Variants in LDLRAD3 observed in about 807,000 individuals in gnomAD.
LDLRAD3 encodes low density lipoprotein receptor class A domain containing 3, also known as low-density lipoprotein receptor class A domain-containing protein 3.
In LDLRAD3, 20 loss-of-function variants were observed where a neutral mutation model predicts 29.4. The ratio of observed to expected loss-of-function variants is 0.68; its 90% CI spans 0.48 to 0.99. LDLRAD3 has a LOEUF of 0.99. LDLRAD3 is among the 50% of genes least tolerant of loss of function. The pLI is 0.00. For missense variants in LDLRAD3, 420 were observed against 454.3 expected (o/e 0.92, Z 0.69); for synonymous variants, 157 against 192.7 (o/e 0.81, Z 1.53).
chr11:35,965,289 C>T (rs1279371614), intron 1 of LDLRAD3, among the ~76,000 whole-genome samples: 10 of 152,062 alleles, frequency 6.6e-5, no homozygotes, highest in Non-Finnish European at 1.3e-4. Context: ...AAGGATGGTC[C>T]TGTAAGTGGA....
chr11:36,208,239 AAAAT>A (rs1284966531), intron 4 of LDLRAD3, among the ~76,000 whole-genome samples: 1 of 152,246 alleles, frequency 6.6e-6, no homozygotes, highest in Non-Finnish European at 1.5e-5. Flanking sequence ...CCTGAGCAAC[AAAAT>A]AAATAATAAT....
intron 4 of LDLRAD3, among the ~76,000 whole-genome samples, 155 bp from the exon 5 acceptor site, chr11:36,226,930 C>T (rs766087941): frequency 7.2e-5 from 11 of 152,148 alleles, no homozygotes; most frequent in East Asian, 1.9e-4. Flanking sequence ...ATCCGTTCAT[C>T]GGTTGGTGGA....
chr11:36,078,733 C>T (rs1267155601), intron 2 of LDLRAD3, among the ~76,000 whole-genome samples: 6 of 152,186 alleles, frequency 3.9e-5, no homozygotes, highest in Non-Finnish European at 7.3e-5. Flanking sequence ...GCCCTGGGCC[C>T]AGCTCTGCCT....
At chr11:36,203,004 A>G (rs987411682) in intron 4 of LDLRAD3, among the ~76,000 whole-genome samples, 6 of 152,180 alleles carry the variant, frequency 3.9e-5, no homozygotes, top group African/African-American at 1.4e-4. Context: ...TGGTGCCGTC[A>G]TAGCACACTG....
chr11:36,166,331 G>T (rs780028272), intron 4 of LDLRAD3, among the ~76,000 whole-genome samples: 5 of 152,194 alleles, frequency 3.3e-5, no homozygotes, highest in Non-Finnish European at 5.9e-5. Flanking sequence ...CTGTCACCAG[G>T]TAATCACATC....
At chr11:36,125,400 G>A (rs1002334002) in intron 4 of LDLRAD3, among the ~76,000 whole-genome samples, 1 of 152,178 alleles carries the variant, frequency 6.6e-6, no homozygotes, top group African/African-American at 2.4e-5. Context: ...TAATGATATT[G>A]TTGTGTAGAA....
intron 4 of LDLRAD3, among the ~76,000 whole-genome samples, chr11:36,185,382 A>G (rs757152534): frequency 3.9e-5 from 6 of 152,210 alleles, no homozygotes; most frequent in Non-Finnish European, 5.9e-5. Flanking sequence ...AAAAGGTAAA[A>G]ATCTTTAGAT....
intron 4 of LDLRAD3, among the ~76,000 whole-genome samples, chr11:36,203,632 A>T (rs2133376156): frequency 6.6e-6 from 1 of 152,336 alleles, no homozygotes; most frequent in South Asian, 2.1e-4. Flanking sequence ...GCGGCACATG[A>T]GATGATATTT....
chr11:35,985,034 C>T (rs1170471925), intron 1 of LDLRAD3, among the ~76,000 whole-genome samples: 1 of 151,814 alleles, frequency 6.6e-6, no homozygotes, highest in Non-Finnish European at 1.5e-5. Flanking sequence ...AAGCGATTCT[C>T]CCACCTCAGC....
chr11:36,168,297 A>G (rs778389549), intron 4 of LDLRAD3, among the ~76,000 whole-genome samples: 4 of 152,168 alleles, frequency 2.6e-5, no homozygotes, highest in Non-Finnish European at 5.9e-5. Flanking sequence ...ACCTCCTGGC[A>G]TAGCACTAAG....
chr11:35,959,563 T>G (rs952972949), intron 1 of LDLRAD3, among the ~76,000 whole-genome samples: 17 of 152,320 alleles, frequency 1.1e-4, no homozygotes, highest in Admixed American at 4.6e-4. Flanking sequence ...CAAACAGTAG[T>G]GTACCTATCA....
chr11:36,095,128 G>A (rs974212962), intron 3 of LDLRAD3, among the ~76,000 whole-genome samples: 1 of 152,220 alleles, frequency 6.6e-6, no homozygotes, highest in Non-Finnish European at 1.5e-5. Flanking sequence ...GAAGGCTATG[G>A]TGAGGTATGA....
chr11:36,074,864 T>A (rs1852970277), intron 2 of LDLRAD3, among the ~76,000 whole-genome samples: 1 of 152,174 alleles, frequency 6.6e-6, no homozygotes, highest in Non-Finnish European at 1.5e-5. Context: ...TTTCTGTTAC[T>A]GTAGACTTTC....
At chr11:36,039,031 G>A (rs980370031) in intron 2 of LDLRAD3, among the ~76,000 whole-genome samples, 7 of 150,148 alleles carry the variant, frequency 4.7e-5, no homozygotes, top group Admixed American at 4.0e-4. Context: ...ATGCAGTGGC[G>A]TGATCTCGGC....
chr11:36,173,927 CAAAGCT>C (rs1441344289), intron 4 of LDLRAD3, among the ~76,000 whole-genome samples: 2 of 152,184 alleles, frequency 1.3e-5, no homozygotes, highest in African/African-American at 4.8e-5. Flanking sequence ...GCCAAAAGAG[CAAAGCT>C]GGAGGCATCA....
intron 1 of LDLRAD3, among the ~76,000 whole-genome samples, chr11:36,014,741 T>G (rs1484598078): frequency 1.3e-5 from 2 of 152,256 alleles, no homozygotes; most frequent in Non-Finnish European, 2.9e-5. Context: ...CTCCCTTGGC[T>G]GCAGGCAGAA....
At chr11:36,154,610 A>AT (rs34460947) in intron 4 of LDLRAD3, among the ~76,000 whole-genome samples, 1 of 152,114 alleles carries the variant, frequency 6.6e-6, no homozygotes. Flanking sequence ...AAACCCCGTT[A>AT]TTTTCCCCCA....
intron 4 of LDLRAD3, among the ~76,000 whole-genome samples, chr11:36,166,439 C>G (rs911348680): frequency 1.2e-4 from 19 of 152,118 alleles, no homozygotes. Context: ...TAAAGGCTTT[C>G]CTTGTAAATA....
intron 1 of LDLRAD3, among the ~76,000 whole-genome samples, chr11:35,969,587 C>G (rs1353490178): frequency 6.6e-6 from 1 of 152,198 alleles, no homozygotes; most frequent in Non-Finnish European, 1.5e-5. Context: ...TTGCCTGGCT[C>G]TCCTGGGAAG....
Sources: allele counts gnomAD v4.1 joint callset (sites outside exome capture counted in the v4.1 genomes callset), GRCh38; gene constraint gnomAD v4.1.1; transcripts MANE v1.5; gene names NCBI Gene and HGNC (gene_info 2026-07-23, HGNC 2026-07-21).